The following RBFOX1 variants were observed in gnomAD, a reference collection of about 807,000 sequenced individuals.
RBFOX1 encodes RNA binding protein fox-1 homolog 1.
In RBFOX1, 8 loss-of-function variants were observed where a neutral mutation model predicts 57.7. The ratio of observed to expected loss-of-function variants is 0.14; its 90% CI spans 0.08 to 0.25. The LOEUF is 0.25. RBFOX1 is among the 10% of genes least tolerant of loss of function. RBFOX1 has a pLI of 1.00. For synonymous variants in RBFOX1, 326 were observed against 222.4 expected (o/e 1.47, Z -4.15); for missense variants, 611 against 548.5 (o/e 1.11, Z -1.14).
chr16:6,935,836 G>T (rs1366326206), intron 3 of RBFOX1, among the ~76,000 whole-genome samples: 4 of 152,146 alleles, frequency 2.6e-5, no homozygotes, highest in African/African-American at 9.7e-5. Context: ...TTTATCCGGG[G>T]CCAGGATACC....
At chr16:7,480,430 A>G (rs562952891) in intron 4 of RBFOX1, among the ~76,000 whole-genome samples, 1 of 152,346 alleles carries the variant, frequency 6.6e-6, no homozygotes, top group African/African-American at 2.4e-5. Context: ...GTTTCCACAA[A>G]TGAGAAAGTG....
intron 4 of RBFOX1, among the ~76,000 whole-genome samples, chr16:7,498,639 C>G (rs1022720532): frequency 6.6e-6 from 1 of 152,092 alleles, no homozygotes; most frequent in Non-Finnish European, 1.5e-5. Context: ...TGCATTCTTT[C>G]TCTTGTATGA....
chr16:6,846,263 T>A (rs887957092), intron 3 of RBFOX1, among the ~76,000 whole-genome samples: 1 of 152,144 alleles, frequency 6.6e-6, no homozygotes, highest in Non-Finnish European at 1.5e-5. Flanking sequence ...ATTACGTGAA[T>A]TGGCCCGAAG....
intron 3 of RBFOX1, among the ~76,000 whole-genome samples, chr16:6,867,477 G>A (rs1417524575): frequency 6.6e-6 from 1 of 152,048 alleles, no homozygotes; most frequent in Admixed American, 6.6e-5. Flanking sequence ...CCAGCACTTT[G>A]GGGGGCCGAG....
chr16:6,532,487 A>T (rs1438050945), intron 2 of RBFOX1, among the ~76,000 whole-genome samples: 2 of 152,026 alleles, frequency 1.3e-5, no homozygotes, highest in Non-Finnish European at 2.9e-5. Context: ...CTTTAAGGCG[A>T]TGTTTATTAA....
At chr16:7,658,025 C>T (rs954459449) in intron 12 of RBFOX1, among the ~76,000 whole-genome samples, 2 of 152,108 alleles carry the variant, frequency 1.3e-5, no homozygotes, top group African/African-American at 2.4e-5. Flanking sequence ...TTTGCTTAAG[C>T]GAGAGTGGGG....
intron 3 of RBFOX1, among the ~76,000 whole-genome samples, chr16:6,808,446 C>T (rs1264797715): frequency 1.3e-5 from 2 of 151,956 alleles, no homozygotes; most frequent in Admixed American, 6.6e-5. Flanking sequence ...AACTACATCC[C>T]AAGGATCTCA....
At chr16:7,367,124 A>G (rs766075258) in intron 4 of RBFOX1, among the ~76,000 whole-genome samples, 1 of 150,272 alleles carries the variant, frequency 6.7e-6, no homozygotes, top group Non-Finnish European at 1.5e-5. Flanking sequence ...CGGTGAGCCC[A>G]TTTAGTGAGT....
chr16:7,500,141 A>G (rs1170037746), intron 4 of RBFOX1, among the ~76,000 whole-genome samples: 1 of 152,164 alleles, frequency 6.6e-6, no homozygotes, highest in African/African-American at 2.4e-5. Flanking sequence ...AATAATATTT[A>G]TGCACTGCTT....
chr16:5,279,270 G>C (rs901173575), intron 1 of RBFOX1, among the ~76,000 whole-genome samples: 2 of 151,998 alleles, frequency 1.3e-5, no homozygotes. Context: ...TCAGTGTTTT[G>C]TGGTTTTCAT....
At chr16:7,563,177 C>A (rs1194337585) in intron 5 of RBFOX1, among the ~76,000 whole-genome samples, 1 of 152,166 alleles carries the variant, frequency 6.6e-6, no homozygotes, top group African/African-American at 2.4e-5. Context: ...GCTAATCACT[C>A]AACCAGGATT....
At chr16:7,310,032 T>C (rs1041416996) in intron 4 of RBFOX1, among the ~76,000 whole-genome samples, 1 of 152,246 alleles carries the variant, frequency 6.6e-6, no homozygotes, top group African/African-American at 2.4e-5. Context: ...GGCCCGTGGC[T>C]GTTGGCATGA....
At chr16:7,597,665 C>A (rs1203649762) in intron 9 of RBFOX1, among the ~76,000 whole-genome samples, 1 of 152,180 alleles carries the variant, frequency 6.6e-6, no homozygotes, top group African/African-American at 2.4e-5. Context: ...TAGAATAACT[C>A]TGTTTGGGAT....
intron 4 of RBFOX1, among the ~76,000 whole-genome samples, chr16:7,437,512 G>A (rs751599029): frequency 7.2e-5 from 11 of 152,144 alleles, no homozygotes; most frequent in Non-Finnish European, 1.2e-4. Context: ...TTAGAGCCAA[G>A]CTGCAGAGTA....
intron 14 of RBFOX1, among the ~76,000 whole-genome samples, chr16:7,677,072 C>A (rs1488701805): frequency 6.6e-6 from 1 of 150,668 alleles, no homozygotes; most frequent in Admixed American, 6.7e-5. Flanking sequence ...TAGCCTTGGT[C>A]CTTGTGTAGT....
intron 4 of RBFOX1, among the ~76,000 whole-genome samples, chr16:7,505,635 A>G (rs1425551445): frequency 1.3e-5 from 2 of 152,168 alleles, no homozygotes; most frequent in African/African-American, 4.8e-5. Context: ...GAAAATCAGG[A>G]TGGAACATTT....
intron 2 of RBFOX1, among the ~76,000 whole-genome samples, chr16:6,326,176 A>G (rs1014793703): frequency 2.0e-5 from 3 of 152,246 alleles, no homozygotes; most frequent in Non-Finnish European, 4.4e-5. Flanking sequence ...GGAAGTCAAC[A>G]TGCTTATCTT....
intron 3 of RBFOX1, among the ~76,000 whole-genome samples, chr16:5,765,129 C>T (rs1009470139): frequency 3.3e-5 from 5 of 152,066 alleles, no homozygotes; most frequent in Admixed American, 1.3e-4. Flanking sequence ...ATTGGGAAGC[C>T]CTTGGGTGGG....
Position 6,884,664 on chromosome 16 carries a change from T to G in RBFOX1, c.-15-167393T>G, listed in dbSNP as rs368341360. Among the ~76,000 whole-genome samples the G allele has an allele frequency of 4.6e-5, 7 of 152,246 alleles. No individual in the cohort carries two copies. In the East Asian group the frequency reaches 1.2e-3, roughly 25 times the overall value. On this transcript the variant is annotated intron_variant, in intron 3 of 15. Coordinates refer to ENST00000550418, the MANE Select transcript of RBFOX1 (RefSeq NM_018723.4). Reference sequence around the variant, plus strand: ...CTGTAATCCCAGCACTAGGGGAGGCTGAGGTGGTGGATCACTTGAGGCCAG... The same window carrying G: ...CTGTAATCCCAGCACTAGGGGAGGCGGAGGTGGTGGATCACTTGAGGCCAG...
Sources: allele counts gnomAD v4.1 joint callset (sites outside exome capture counted in the v4.1 genomes callset), GRCh38; gene constraint gnomAD v4.1.1; transcripts MANE v1.5; gene names NCBI Gene and HGNC (gene_info 2026-07-23, HGNC 2026-07-21).